Variants in TCF7L1 observed in about 807,000 individuals in gnomAD.
The protein encoded by TCF7L1 is transcription factor 7-like 1.
TCF7L1 carries 18 observed loss-of-function variants against 63.7 expected under a neutral mutation model. The observed-to-expected ratio is 0.28, with a 90% CI of 0.20 to 0.42. The LOEUF (loss-of-function observed/expected upper bound fraction) is 0.42. Among genes scored for constraint, TCF7L1 ranks in the 10% least tolerant of loss-of-function variants. The pLI, the probability that TCF7L1 is intolerant of heterozygous loss-of-function variation, is 1.00. For synonymous variants in TCF7L1, 355 were observed against 340.9 expected (o/e 1.04, Z -0.46); for missense variants, 654 against 779.3 (o/e 0.84, Z 1.91).
At position 85,306,573 on chromosome 2, in the gene TCF7L1, C is replaced by G; in HGVS notation, c.1257+14C>G. 1 of 1,612,182 alleles carries G rather than the reference C, an allele frequency of 6.2e-7. No homozygotes were observed. The highest frequency in any genetic ancestry group is 8.5e-7 in the Non-Finnish European group (1 of 1,178,280). ...CGGGACAACTATGTAAGTGCACACTCTGGGCAGAGGACGCTCAGACCCCAG... is the reference window on the plus strand; with the variant it reads ...CGGGACAACTATGTAAGTGCACACTGTGGGCAGAGGACGCTCAGACCCCAG... On this transcript the variant is annotated intron_variant, in intron 10 of 11. Transcript: ENST00000282111. The surrounding 1 kb of genome is among the most constrained non-coding windows in gnomAD (Gnocchi z 4.3).
intron 3 of TCF7L1, among the ~76,000 whole-genome samples, chr2:85,270,873 G>A (rs957463180): frequency 1.3e-5 from 2 of 151,056 alleles, no homozygotes; most frequent in South Asian, 4.2e-4. Flanking sequence ...TTGTATTTTT[G>A]TAGAGACGGG....
At chr2:85,199,161 A>G (rs1265568246) in intron 3 of TCF7L1, among the ~76,000 whole-genome samples, 1 of 152,200 alleles carries the variant, frequency 6.6e-6, no homozygotes, top group Non-Finnish European at 1.5e-5. Flanking sequence ...ATGATGGTTC[A>G]GGCTGGAGTA....
chr2:85,154,344 A>G (rs72840107), intron 3 of TCF7L1, among the ~76,000 whole-genome samples: 4,051 of 152,348 alleles, frequency 0.027, 88 homozygotes, highest in Non-Finnish European at 0.036. Context: ...TATGAGAACA[A>G]TAGTGCCTCT....
chr2:85,205,296 G>T (rs971204579), intron 3 of TCF7L1, among the ~76,000 whole-genome samples: 1 of 152,110 alleles, frequency 6.6e-6, no homozygotes, highest in Non-Finnish European at 1.5e-5. Flanking sequence ...AATTTACGTT[G>T]CATTTTCTCT....
intron 3 of TCF7L1, among the ~76,000 whole-genome samples, chr2:85,233,644 A>G (rs905801581): frequency 6.6e-6 from 1 of 152,170 alleles, no homozygotes; most frequent in African/African-American, 2.4e-5. Flanking sequence ...CTATAAAATT[A>G]ACTTTTGGGG....
rs1233271539 is a variant in TCF7L1, at chr2:85,134,499, AG to A, written c.441+51del. ...GGGAGGGTGGGAGGCCGCGGCCCGC[AG>A]GATGCGCCCCCGGGCTTGGCCATGG... On this transcript the variant is annotated intron_variant, in intron 3 of 11. Transcript: ENST00000282111. The surrounding 1 kb of genome is among the most constrained non-coding windows in gnomAD (Gnocchi z 5.0). 2 of 1,536,730 alleles carry A rather than the reference AG, an allele frequency of 1.3e-6. No homozygotes were observed. Among genetic ancestry groups the A allele is most frequent in the East Asian group, 4.9e-5 (2 of 40,422 alleles).
At position 85,133,642 on chromosome 2, in the gene TCF7L1, G is replaced by C. The variant is rs1275819002; in HGVS notation, c.-43G>C. The C allele has an allele frequency of 2.4e-6, 2 of 831,024 alleles. No individual in the cohort carries two copies. The highest frequency in any genetic ancestry group is 2.9e-6 in the Non-Finnish European group (2 of 691,114). 51.5% of individuals were successfully genotyped at this position (831,024 alleles called of 1,614,324 possible). On this transcript the variant is annotated 5_prime_UTR_variant, in exon 1 of 12. Transcript: ENST00000282111. The surrounding 1 kb of genome is among the most constrained non-coding windows in gnomAD (Gnocchi z 4.4). ...GGCCGGGCCGGGCAGGGCGCGGGCGGCTAGGGGCTCCGAGAGCGGCGGCCC... is the reference window on the plus strand; with the variant it reads ...GGCCGGGCCGGGCAGGGCGCGGGCGCCTAGGGGCTCCGAGAGCGGCGGCCC...
intron 3 of TCF7L1, among the ~76,000 whole-genome samples, chr2:85,218,228 TTTAC>T (rs1161210441): frequency 4.8e-5 from 7 of 146,200 alleles, no homozygotes; most frequent in Admixed American, 4.7e-4. Context: ...CTTTTCTAAC[TTTAC>T]TTATTTTATT....
At chr2:85,278,466 T>C (rs1202308858) in intron 3 of TCF7L1, among the ~76,000 whole-genome samples, 1 of 152,210 alleles carries the variant, frequency 6.6e-6, no homozygotes, top group Admixed American at 6.5e-5. Context: ...CAAACCACCA[T>C]GACCAAATAG....
intron 3 of TCF7L1, among the ~76,000 whole-genome samples, chr2:85,204,106 A>G (rs1476435643): frequency 1.3e-5 from 2 of 152,200 alleles, no homozygotes; most frequent in Admixed American, 1.3e-4. Flanking sequence ...ATCAAACAGT[A>G]CAAGTAAAAT....
intron 3 of TCF7L1, among the ~76,000 whole-genome samples, chr2:85,147,228 C>T (rs1382922938): frequency 6.6e-6 from 1 of 152,218 alleles, no homozygotes; most frequent in East Asian, 1.9e-4. Context: ...AGGCCGTGTC[C>T]TCCACCTCAG....
At position 85,201,488 on chromosome 2, in the gene TCF7L1, A is replaced by G. The variant is rs899123232; in HGVS notation, c.441+67038A>G. Among the ~76,000 whole-genome samples the G allele has an allele frequency of 2.6e-4, 39 of 152,194 alleles. 1 individual carries two copies. The highest frequency in any genetic ancestry group is 1.5e-5 in the Non-Finnish European group (1 of 68,032). On this transcript the variant is annotated intron_variant, in intron 3 of 11. Coordinates refer to ENST00000282111, the MANE Select transcript of TCF7L1 (RefSeq NM_031283.3). Reference sequence around the variant, plus strand: ...AATTTTTTCAGCATTTCTAGGCTACATAGTTTACAAGTTTTTCCAAATTGT... The same window carrying G: ...AATTTTTTCAGCATTTCTAGGCTACGTAGTTTACAAGTTTTTCCAAATTGT...
intron 3 of TCF7L1, among the ~76,000 whole-genome samples, chr2:85,174,080 T>C (rs1422365571): frequency 6.6e-6 from 1 of 152,170 alleles, no homozygotes; most frequent in East Asian, 1.9e-4. Flanking sequence ...TTTCAATATA[T>C]TCACAGGATT....
Position 85,308,982 on chromosome 2 carries a change from T to C in TCF7L1, c.1334-47T>C, listed in dbSNP as rs113988926. Reference sequence around the variant, plus strand: ...CCAGGGCTGTTCCTCAGCCTCCTCCTCTCACAGAGCTATAGCTGCTCACTC... The same window carrying C: ...CCAGGGCTGTTCCTCAGCCTCCTCCCCTCACAGAGCTATAGCTGCTCACTC... On this transcript the variant is annotated intron_variant, in intron 11 of 11. Coordinates refer to ENST00000282111, the MANE Select transcript of TCF7L1 (RefSeq NM_031283.3). The C allele has an allele frequency of 3.6e-3, 5,465 of 1,527,158 alleles. 91 individuals carry two copies. The African/African-American group carries it at 0.047, about 13-fold the overall frequency. The allele number at this position is 1,527,158 out of a possible 1,614,324, so 94.6% of individuals were successfully genotyped here. A position where few individuals can be genotyped will look rare whatever the true frequency, so the allele number is the denominator to read the frequency against.
At chr2:85,222,367 A>C (rs1476630904) in intron 3 of TCF7L1, among the ~76,000 whole-genome samples, 1 of 148,776 alleles carries the variant, frequency 6.7e-6, no homozygotes, top group African/African-American at 2.5e-5. Flanking sequence ...AAACAAACAA[A>C]AAAAAAAACA....
chr2:85,198,339 A>G (rs565462213), intron 3 of TCF7L1, among the ~76,000 whole-genome samples: 1 of 152,354 alleles, frequency 6.6e-6, no homozygotes, highest in African/African-American at 2.4e-5. Flanking sequence ...ATTAGAGCCC[A>G]AACACCACCA....
chr2:85,267,680 G>C, intron 3 of TCF7L1, among the ~76,000 whole-genome samples: 2 of 150,478 alleles, frequency 1.3e-5, no homozygotes, highest in Middle Eastern at 3.5e-3. Context: ...GTTGGCTTTT[G>C]GGTTTGGGAT....
At chr2:85,212,290 C>T (rs1679572336) in intron 3 of TCF7L1, among the ~76,000 whole-genome samples, 1 of 152,092 alleles carries the variant, frequency 6.6e-6, no homozygotes, top group Admixed American at 6.5e-5. Context: ...CCACCACTTA[C>T]CAGCTGGCAT....
chr2:85,256,269 T>C (rs1047764219), intron 3 of TCF7L1, among the ~76,000 whole-genome samples: 24 of 152,192 alleles, frequency 1.6e-4, no homozygotes, highest in Non-Finnish European at 3.4e-4. Flanking sequence ...CTCTTTGTGT[T>C]CTCTGCAGCC....
Sources: gnomAD v4.1 joint callset for allele counts (sites outside exome capture counted in the v4.1 genomes callset) on GRCh38, gnomAD v4.1.1 for gene constraint, Gnocchi (gnomAD v3.1) non-coding constraint, MANE v1.5 for transcripts, NCBI Gene and HGNC (gene_info 2026-07-23, HGNC 2026-07-21) for gene names.